Variants in CCDC148 observed in about 807,000 individuals in gnomAD.
CCDC148 encodes coiled-coil domain containing 148.
CCDC148 carries 89 observed loss-of-function variants against 85.7 expected under a neutral mutation model. That is an observed-to-expected ratio of 1.04 (90% CI 0.87 to 1.24). The LOEUF (loss-of-function observed/expected upper bound fraction) is 1.24, where lower values mean the gene tolerates loss of function less well. Among genes scored for constraint, CCDC148 ranks in the 50% most tolerant of loss-of-function variants. The pLI, the probability that CCDC148 is intolerant of heterozygous loss-of-function variation, is 0.00. For missense variants in CCDC148, 692 were observed against 671.7 expected (o/e 1.03, Z -0.33); for synonymous variants, 230 against 213.9 (o/e 1.08, Z -0.66).
At position 158,443,239 on chromosome 2, in the gene CCDC148, G is replaced by C. The variant is rs112096231; in HGVS notation, c.25+13176C>G. Among the ~76,000 whole-genome samples the C allele has an allele frequency of 2.5e-3, 385 of 151,966 alleles. 1 individual carries two copies. Among genetic ancestry groups the C allele is most frequent in the African/African-American group, 8.6e-3 (358 of 41,448 alleles). Reference sequence around the variant, plus strand: ...CTGTAATGTCAGCACTTTGGGAGTCGGGGTGGGAGGATCTCTTGGGAGTCC... The same window carrying C: ...CTGTAATGTCAGCACTTTGGGAGTCCGGGTGGGAGGATCTCTTGGGAGTCC... On this transcript the variant is annotated intron_variant, in intron 1 of 13. Transcript: ENST00000283233.
intron 3 of CCDC148, among the ~76,000 whole-genome samples, chr2:158,342,568 A>T (rs1682768645): frequency 6.6e-6 from 1 of 152,208 alleles, no homozygotes; most frequent in South Asian, 2.1e-4. Context: ...CCAGAAAGTC[A>T]TAACAGAGCA....
At chr2:158,250,749 C>T (rs1434006059) in intron 10 of CCDC148, 23 bp downstream of exon 10, 15 of 1,522,942 alleles carry the variant, frequency 9.8e-6, no homozygotes, top group South Asian at 3.7e-5. Context: ...TTCACACATT[C>T]GTATTGACAA....
chr2:158,424,104 T>C (rs2105326158), intron 1 of CCDC148, among the ~76,000 whole-genome samples: 1 of 152,290 alleles, frequency 6.6e-6, no homozygotes, highest in South Asian at 2.1e-4. Flanking sequence ...TAGGAACACT[T>C]TTATACTGTT....
In CCDC148 at chr2:158,305,583, A is replaced by G. The variant is rs372518178; in HGVS notation, c.1110+3850T>C. On this transcript the variant is annotated intron_variant, in intron 9 of 13. Transcript: ENST00000283233. ...CAACATAGCAAGACCCTGTCTCTAC[A>G]AAATATTGAAAAACTGAAAAATTAG... Among the ~76,000 whole-genome samples the G allele has an allele frequency of 8.5e-5, 13 of 152,112 alleles. 2 individuals carry two copies. The highest frequency in any genetic ancestry group is 6.5e-4 in the Admixed American group (10 of 15,274).
chr2:158,221,663 G>A (rs1687190530), intron 10 of CCDC148, among the ~76,000 whole-genome samples: 1 of 152,164 alleles, frequency 6.6e-6, no homozygotes, highest in South Asian at 2.1e-4. Context: ...TTCCTGACTT[G>A]CCCTAGCAAC....
chr2:158,332,039 T>G (rs1249748279), intron 7 of CCDC148, among the ~76,000 whole-genome samples: 2 of 152,188 alleles, frequency 1.3e-5, no homozygotes, highest in Non-Finnish European at 2.9e-5. Flanking sequence ...GTGAGTTTGA[T>G]CCTGTCATTA....
chr2:158,280,612 C>T (rs1690234582), intron 9 of CCDC148, among the ~76,000 whole-genome samples: 2 of 152,278 alleles, frequency 1.3e-5, no homozygotes, highest in East Asian at 3.9e-4. Flanking sequence ...TACAGAAGCA[C>T]CCAGATTCAT....
intron 1 of CCDC148, among the ~76,000 whole-genome samples, chr2:158,393,605 G>C (rs1368342974): frequency 6.6e-6 from 1 of 152,066 alleles, no homozygotes; most frequent in African/African-American, 2.4e-5. Flanking sequence ...CTCAGATACA[G>C]ACAGAGAAAA....
chr2:158,394,500 G>T (rs1685444019), intron 1 of CCDC148, among the ~76,000 whole-genome samples: 1 of 151,906 alleles, frequency 6.6e-6, no homozygotes, highest in Non-Finnish European at 1.5e-5. Context: ...GGGCTGTTTT[G>T]GGCAAAGCTG....
chr2:158,306,997 C>T (rs147957278), intron 9 of CCDC148, among the ~76,000 whole-genome samples: 8,373 of 139,860 alleles, frequency 0.06, 506 homozygotes, highest in African/African-American at 0.16. Flanking sequence ...CCACCCTGGG[C>T]GACAGAGCAA....
intron 1 of CCDC148, among the ~76,000 whole-genome samples, chr2:158,382,554 T>C (rs1248843131): frequency 1.3e-5 from 2 of 152,192 alleles, no homozygotes; most frequent in Non-Finnish European, 2.9e-5. Flanking sequence ...CTGCTAAGGC[T>C]AGTTTGACAT....
At chr2:158,396,970 T>C (rs1461765715) in intron 1 of CCDC148, among the ~76,000 whole-genome samples, 1 of 152,066 alleles carries the variant, frequency 6.6e-6, no homozygotes, top group East Asian at 1.9e-4. Context: ...GAAACTCTTA[T>C]GGAATATGGA....
chr2:158,284,526 A>C, intron 9 of CCDC148, among the ~76,000 whole-genome samples: 1 of 152,192 alleles, frequency 6.6e-6, no homozygotes. Context: ...TCACCAACTC[A>C]GGGAGGAGGA....
At chr2:158,183,650 C>A (rs937900465) in intron 11 of CCDC148, among the ~76,000 whole-genome samples, 2 of 152,116 alleles carry the variant, frequency 1.3e-5, no homozygotes, top group South Asian at 4.1e-4. Context: ...GTATGGAACT[C>A]CCCCTACCAC....
At chr2:158,357,363 T>C (rs1399120395) in intron 2 of CCDC148, among the ~76,000 whole-genome samples, 1 of 152,076 alleles carries the variant, frequency 6.6e-6, no homozygotes, top group African/African-American at 2.4e-5. Flanking sequence ...ATAATAAATA[T>C]TTATGGGCTT....
At chr2:158,373,047 T>C (rs932533432) in intron 1 of CCDC148, among the ~76,000 whole-genome samples, 2 of 152,154 alleles carry the variant, frequency 1.3e-5, no homozygotes, top group Middle Eastern at 3.4e-3. Flanking sequence ...ACTGATGTTA[T>C]ATAAAAGAGT....
intron 13 of CCDC148, among the ~76,000 whole-genome samples, chr2:158,174,144 A>G (rs1390789484): frequency 3.3e-5 from 5 of 152,112 alleles, no homozygotes; most frequent in Non-Finnish European, 5.9e-5. Flanking sequence ...ACTGGGTACC[A>G]AGAAATATTT....
intron 9 of CCDC148, among the ~76,000 whole-genome samples, chr2:158,266,075 T>G (rs992861749): frequency 1.3e-5 from 2 of 152,160 alleles, no homozygotes; most frequent in Non-Finnish European, 2.9e-5. Flanking sequence ...TCAATCCACC[T>G]TTCATATCCA....
At chr2:158,240,709 C>A (rs115419658) in intron 10 of CCDC148, among the ~76,000 whole-genome samples, 1 of 151,972 alleles carries the variant, frequency 6.6e-6, no homozygotes, top group Non-Finnish European at 1.5e-5. Flanking sequence ...GCAGAGCATT[C>A]GATGGAGATG....
Sources: gnomAD v4.1 joint callset for allele counts (sites outside exome capture counted in the v4.1 genomes callset) on GRCh38, gnomAD v4.1.1 for gene constraint, MANE v1.5 for transcripts, NCBI Gene and HGNC (gene_info 2026-07-23, HGNC 2026-07-21) for gene names.